SLC39A11: variants seen among roughly 807,000 people sequenced by gnomAD.
SLC39A11 encodes the protein solute carrier family 39 member 11.
Under a neutral mutation model 36.1 loss-of-function variants are expected in SLC39A11, and 33 were observed. That is an observed-to-expected ratio of 0.91 (90% CI 0.69 to 1.22). The LOEUF (loss-of-function observed/expected upper bound fraction) is 1.22. Among genes scored for constraint, SLC39A11 ranks in the 50% most tolerant of loss-of-function variants. The probability of loss-of-function intolerance (pLI) is 0.00; values close to 1 mark genes in which losing one functional copy is unlikely to be tolerated. For missense variants in SLC39A11, 432 were observed against 430.3 expected, an observed-to-expected ratio of 1.00 and a Z score of -0.03; for synonymous variants, 166 against 170.3, an observed-to-expected ratio of 0.97 and a Z score of 0.20.
chr17:72,993,384 A>T (rs2089305747), intron 4 of SLC39A11, among the ~76,000 whole-genome samples: 1 of 152,230 alleles, frequency 6.6e-6, no homozygotes, highest in Non-Finnish European at 1.5e-5. Context: ...AATTTTAGTT[A>T]GAATCTGTAG....
At chr17:72,889,927 A>G (rs1038882640) in intron 5 of SLC39A11, among the ~76,000 whole-genome samples, 12 of 152,262 alleles carry the variant, frequency 7.9e-5, no homozygotes, top group Middle Eastern at 3.4e-3. Flanking sequence ...GGCTGGAAGC[A>G]AGAAAATGCA....
At chr17:72,799,820 T>G (rs2077024631) in intron 6 of SLC39A11, among the ~76,000 whole-genome samples, 1 of 144,822 alleles carries the variant, frequency 6.9e-6, no homozygotes. Flanking sequence ...TTTTGCCCTT[T>G]GCCCTGTGAT....
At chr17:73,065,450 G>A (rs2059970795) in intron 3 of SLC39A11, among the ~76,000 whole-genome samples, 1 of 152,042 alleles carries the variant, frequency 6.6e-6, no homozygotes, top group African/African-American at 2.4e-5. Context: ...ACAAGAGCAG[G>A]TTAACAAAAT....
intron 5 of SLC39A11, among the ~76,000 whole-genome samples, chr17:72,876,772 G>T (rs2080919549): frequency 1.3e-5 from 2 of 152,178 alleles, no homozygotes; most frequent in Admixed American, 1.3e-4. Flanking sequence ...GTCAGTTGAA[G>T]AGAAGGATTT....
At chr17:72,949,153 T>C (rs992358750) in intron 4 of SLC39A11, among the ~76,000 whole-genome samples, 1 of 94,350 alleles carries the variant, frequency 1.1e-5, no homozygotes, top group Non-Finnish European at 1.8e-5. Flanking sequence ...GCTTTTTTTT[T>C]TTTTTTTTTT....
At position 72,707,642 on chromosome 17, in the gene SLC39A11, G is replaced by A. The variant is rs80215656; in HGVS notation, c.671+29008C>T. Among the ~76,000 whole-genome samples, 167 of 152,282 alleles carry A rather than the reference G, an allele frequency of 1.1e-3. 4 individuals are homozygous for A. In the East Asian group the frequency reaches 0.028, roughly 25 times the overall value. ...AACACATCATCATCTCCACATTTACGAGTTGCACAAAGTCCCGATCATTCC... is the reference window on the plus strand; with the variant it reads ...AACACATCATCATCTCCACATTTACAAGTTGCACAAAGTCCCGATCATTCC... On this transcript the variant is annotated intron_variant, in intron 7 of 9. Transcript: ENST00000255559.
At chr17:72,930,567 G>A (rs1381696176) in intron 5 of SLC39A11, among the ~76,000 whole-genome samples, 2 of 152,182 alleles carry the variant, frequency 1.3e-5, no homozygotes, top group South Asian at 4.1e-4. Context: ...TTACTCCCTG[G>A]CTGAGACACA....
At chr17:72,860,517 G>A (rs1433311008) in intron 5 of SLC39A11, among the ~76,000 whole-genome samples, 1 of 152,176 alleles carries the variant, frequency 6.6e-6, no homozygotes, top group Non-Finnish European at 1.5e-5. Flanking sequence ...TCAAAGGATG[G>A]TAGGTGCAGG....
intron 7 of SLC39A11, among the ~76,000 whole-genome samples, chr17:72,697,118 C>T (rs1469479916): frequency 2.0e-5 from 3 of 152,190 alleles, no homozygotes; most frequent in Non-Finnish European, 2.9e-5. Context: ...GGATCTCACT[C>T]GTCCCCCAGG....
intron 4 of SLC39A11, among the ~76,000 whole-genome samples, chr17:73,019,767 A>G (rs928027714): frequency 6.6e-6 from 1 of 152,202 alleles, no homozygotes; most frequent in Non-Finnish European, 1.5e-5. Flanking sequence ...TCACGGACCC[A>G]ATCACATCAG....
At chr17:72,699,773 G>A (rs1402466470) in intron 7 of SLC39A11, among the ~76,000 whole-genome samples, 1 of 152,180 alleles carries the variant, frequency 6.6e-6, no homozygotes, top group Non-Finnish European at 1.5e-5. Context: ...AGGGGACAAA[G>A]CCTTCTGTGT....
intron 7 of SLC39A11, chr17:72,725,395 A>G (rs372481416): frequency 6.6e-6 from 1 of 152,234 alleles, no homozygotes; most frequent in Non-Finnish European, 1.5e-5. Context: ...AACGAGCTTT[A>G]TAAATGCTTA....
chr17:72,748,005 GA>G (rs2075007942), intron 6 of SLC39A11, among the ~76,000 whole-genome samples: 1 of 152,304 alleles, frequency 6.6e-6, no homozygotes, highest in South Asian at 2.1e-4. Flanking sequence ...AAGTGTTCTA[GA>G]AAAGTTGACT....
intron 7 of SLC39A11, among the ~76,000 whole-genome samples, chr17:72,651,839 G>A (rs1285509007): frequency 2.0e-5 from 3 of 152,150 alleles, no homozygotes; most frequent in Admixed American, 2.0e-4. Context: ...CAGACAAGAA[G>A]ACACCCCACC....
At chr17:72,933,459 TTAAGA>T (rs1251512462) in intron 5 of SLC39A11, among the ~76,000 whole-genome samples, 1 of 152,190 alleles carries the variant, frequency 6.6e-6, no homozygotes, top group Non-Finnish European at 1.5e-5. Context: ...TCTATATTTA[TTAAGA>T]TGTCAATTTC....
At chr17:72,690,930 G>C (rs560653059) in intron 7 of SLC39A11, among the ~76,000 whole-genome samples, 1 of 152,294 alleles carries the variant, frequency 6.6e-6, no homozygotes, top group Admixed American at 6.5e-5. Context: ...ACCTGGAAAC[G>C]TCTAGAGTAG....
intron 7 of SLC39A11, 110 bp from the exon 8 acceptor site, chr17:72,649,378 G>T: frequency 1.2e-6 from 1 of 806,182 alleles, no homozygotes; most frequent in Non-Finnish European, 2.0e-6. Flanking sequence ...GCCAGGAGGA[G>T]ACCTGTGACC....
At chr17:72,860,124 G>A (rs1170124730) in intron 5 of SLC39A11, among the ~76,000 whole-genome samples, 1 of 151,624 alleles carries the variant, frequency 6.6e-6, no homozygotes. Context: ...GTTGAAGGTG[G>A]GTAGTGGAGC....
intron 3 of SLC39A11, among the ~76,000 whole-genome samples, chr17:73,060,684 A>G (rs1025825376): frequency 1.3e-5 from 2 of 152,202 alleles, no homozygotes; most frequent in Non-Finnish European, 2.9e-5. Context: ...TATTTAGTAT[A>G]CTAAATTATA....
Sources: allele counts gnomAD v4.1 joint callset (sites outside exome capture counted in the v4.1 genomes callset), GRCh38; gene constraint gnomAD v4.1.1; transcripts MANE v1.5; gene names NCBI Gene and HGNC (gene_info 2026-07-23, HGNC 2026-07-21).